Variants in GALNT2 observed in about 807,000 individuals in gnomAD.
GALNT2 encodes polypeptide N-acetylgalactosaminyltransferase 2, also known as UDP-GalNAc:polypeptide N-acetylgalactosaminyltransferase 2.
Under a neutral mutation model 81.4 loss-of-function variants are expected in GALNT2, and 31 were observed. The ratio of observed to expected loss-of-function variants is 0.38; its 90% CI spans 0.29 to 0.51. The LOEUF (loss-of-function observed/expected upper bound fraction) is 0.51. GALNT2 is among the 20% of genes least tolerant of loss of function. The pLI, the probability that GALNT2 is intolerant of heterozygous loss-of-function variation, is 0.87. For missense variants in GALNT2, 629 were observed against 765.7 expected (o/e 0.82, Z 2.11); for synonymous variants, 303 against 287.4 (o/e 1.05, Z -0.55).
intron 1 of GALNT2, among the ~76,000 whole-genome samples, chr1:230,133,707 G>A (rs1045864242): frequency 1.3e-5 from 2 of 152,082 alleles, no homozygotes; most frequent in Non-Finnish European, 2.9e-5. Flanking sequence ...CGCCTGTCTT[G>A]GCCTCCTAAA....
At chr1:230,091,445 C>T (rs1660078744) in intron 1 of GALNT2, 1 of 152,172 alleles carries the variant, frequency 6.6e-6, no homozygotes, top group Non-Finnish European at 1.5e-5. Context: ...GGCCTATTTC[C>T]ATCTGTCTGA....
At chr1:230,077,286 C>T (rs1659593558) in intron 1 of GALNT2, among the ~76,000 whole-genome samples, 1 of 152,204 alleles carries the variant, frequency 6.6e-6, no homozygotes, top group Non-Finnish European at 1.5e-5. Context: ...TCCTTCCCCT[C>T]CTGCCCTTGT....
At chr1:230,254,937 A>G (rs188793426) in intron 10 of GALNT2, among the ~76,000 whole-genome samples, 1 of 152,238 alleles carries the variant, frequency 6.6e-6, no homozygotes, top group Non-Finnish European at 1.5e-5. Flanking sequence ...TTCTTGTCTC[A>G]AGGTGTCTAC....
chr1:230,207,526 A>T (rs1169927550), intron 3 of GALNT2, among the ~76,000 whole-genome samples: 1 of 152,234 alleles, frequency 6.6e-6, no homozygotes, highest in Non-Finnish European at 1.5e-5. Context: ...CTGTGAGTGA[A>T]ATACTAAATA....
At chr1:230,262,824 GC>G in intron 12 of GALNT2, 97 bp from the exon 13 acceptor site, 1 of 1,364,086 alleles carries the variant, frequency 7.3e-7, no homozygotes, top group Admixed American at 1.7e-5. Context: ...CACACCACCT[GC>G]CCCAACCCTG....
intron 14 of GALNT2, among the ~76,000 whole-genome samples, chr1:230,267,330 G>A (rs777091915): frequency 2.0e-5 from 3 of 152,232 alleles, no homozygotes; most frequent in African/African-American, 7.2e-5. Flanking sequence ...GAGCAGAGGA[G>A]CCACTGTGGG....
chr1:230,178,261 A>C lies in GALNT2; in HGVS notation c.170A>C (p.His57Pro). The part of the protein sequence containing the change: ...EIDPIKKKDL[H>P]HSNGEEKAQS... ...GACCCCATTAAAAAGAAAGACCTTC[A>C]TCACAGCAATGGAGAAGAGAAAGCA... Residue 57 changes from histidine to proline, a missense_variant, in exon 2 of 16, where the codon CAT (histidine) becomes CCT (proline). Physicochemically the swap from His to Pro is moderately conservative, Grantham distance 77. Coordinates refer to ENST00000366672, the MANE Select transcript of GALNT2 (RefSeq NM_004481.5). 3.1e-6 allele frequency: 5 copies of C among 1,614,156 alleles called. No individual in the cohort carries two copies. Among genetic ancestry groups the C allele is most frequent in the Non-Finnish European group, 4.2e-6 (5 of 1,179,986 alleles).
chr1:230,087,516 G>A (rs1025246008), intron 1 of GALNT2, among the ~76,000 whole-genome samples: 1 of 152,204 alleles, frequency 6.6e-6, no homozygotes, highest in African/African-American at 2.4e-5. Context: ...CAATCTGGCT[G>A]TACGTTAGGA....
chr1:230,121,744 G>C (rs1661021347), intron 1 of GALNT2, among the ~76,000 whole-genome samples: 1 of 152,110 alleles, frequency 6.6e-6, no homozygotes, highest in Admixed American at 6.6e-5. Flanking sequence ...GCAGCCCCAG[G>C]AGGATGAGTG....
intron 1 of GALNT2, among the ~76,000 whole-genome samples, chr1:230,107,229 G>A (rs574812161): frequency 1.3e-5 from 2 of 152,334 alleles, no homozygotes; most frequent in Admixed American, 6.5e-5. Flanking sequence ...CTCCTTGCAG[G>A]AGAATCAGCC....
chr1:230,100,310 CTTTTTTTTT>C (rs573478928), intron 1 of GALNT2, among the ~76,000 whole-genome samples: 3 of 85,776 alleles, frequency 3.5e-5, no homozygotes, highest in Non-Finnish European at 4.2e-5. Context: ...CTTTTTATTC[CTTTTTTTTT>C]TTTTTTTTTT....
At position 230,067,245 on chromosome 1, in the gene GALNT2, A is replaced by G. The variant is rs1278045256; in HGVS notation, c.-36A>G. On this transcript the variant is annotated 5_prime_UTR_variant, in exon 1 of 16. Coordinates refer to ENST00000366672, the MANE Select transcript of GALNT2 (RefSeq NM_004481.5). ...GCGGCCGGCCCAGGCAGCACTCGCGAGCAGCGGCGGCCCCGCCGGCGGCCG... is the reference window on the plus strand; with the variant it reads ...GCGGCCGGCCCAGGCAGCACTCGCGGGCAGCGGCGGCCCCGCCGGCGGCCG... The G allele has an allele frequency of 2.4e-6, 3 of 1,244,860 alleles. No individual in the cohort carries two copies. Among genetic ancestry groups the G allele is most frequent in the Non-Finnish European group, 3.0e-6 (3 of 986,296 alleles). The allele number at this position is 1,244,860 out of a possible 1,614,324, so 77.1% of individuals were successfully genotyped here.
intron 6 of GALNT2, among the ~76,000 whole-genome samples, chr1:230,241,698 C>G (rs780011230): frequency 6.6e-6 from 1 of 152,222 alleles, no homozygotes; most frequent in Non-Finnish European, 1.5e-5. Flanking sequence ...CTGCCCACCT[C>G]AGCCTCCCAA....
chr1:230,249,208 A>C lies in GALNT2; in HGVS notation c.842A>C (p.Lys281Thr), dbSNP rs1665466327. The change falls in exon 9 of 16, where the codon AAG (lysine) becomes ACG (threonine). Residue 281 changes from lysine (K) to threonine (T), a missense_variant. Physicochemically the swap from Lys to Thr is moderately conservative, Grantham distance 78. This residue lies in a region of GALNT2 where 360 missense variants were observed against 492.8 expected (regional missense o/e 0.73). Coordinates refer to ENST00000366672, the MANE Select transcript of GALNT2 (RefSeq NM_004481.5). ...KGGFDWNLVF[K>T]WDYMTPEQRR... ...GGTTTTGATTGGAACTTGGTATTCA[A>C]GTGGGATTACATGACGCCTGAGCAG... 1 of 1,614,134 alleles carries C rather than the reference A, an allele frequency of 6.2e-7. No individual in the cohort carries two copies. Among genetic ancestry groups the C allele is most frequent in the Non-Finnish European group, 8.5e-7 (1 of 1,180,034 alleles).
At chr1:230,242,388 T>A (rs1285502204) in intron 6 of GALNT2, among the ~76,000 whole-genome samples, 1 of 152,198 alleles carries the variant, frequency 6.6e-6, no homozygotes, top group African/African-American at 2.4e-5. Context: ...AAAACCCATT[T>A]TGACTGTGGA....
intron 1 of GALNT2, among the ~76,000 whole-genome samples, chr1:230,157,237 G>A (rs1662284931): frequency 1.3e-5 from 2 of 152,294 alleles, no homozygotes; most frequent in Non-Finnish European, 2.9e-5. Context: ...ATGATACCTG[G>A]CGTGTCGTAA....
At chr1:230,219,288 A>G (rs562483860) in intron 3 of GALNT2, among the ~76,000 whole-genome samples, 5 of 152,304 alleles carry the variant, frequency 3.3e-5, no homozygotes, top group African/African-American at 9.6e-5. Context: ...ATATTCACAT[A>G]TAAGTGTCAC....
At chr1:230,198,977 A>G (rs919821170) in intron 2 of GALNT2, among the ~76,000 whole-genome samples, 25 of 152,254 alleles carry the variant, frequency 1.6e-4, no homozygotes, top group African/African-American at 6.0e-4. Context: ...TGATGAAGCT[A>G]GTTTCTGCCT....
intron 1 of GALNT2, among the ~76,000 whole-genome samples, chr1:230,142,081 C>T (rs1661759481): frequency 6.6e-6 from 1 of 152,052 alleles, no homozygotes; most frequent in Non-Finnish European, 1.5e-5. Context: ...GTTTGAGCTA[C>T]CACCCCTGGC....
Sources: allele counts gnomAD v4.1 joint callset (sites outside exome capture counted in the v4.1 genomes callset), GRCh38; gene constraint gnomAD v4.1.1; regional missense constraint gnomAD v4.1.1; transcripts MANE v1.5; gene names NCBI Gene and HGNC (gene_info 2026-07-23, HGNC 2026-07-21).